MB21D2: variants seen among roughly 807,000 people sequenced by gnomAD.
MB21D2 encodes nucleotidyltransferase MB21D2.
A neutral mutation model predicts 33.3 loss-of-function variants in MB21D2; 9 were observed. The observed-to-expected ratio is 0.27, with a 90% CI of 0.16 to 0.47. MB21D2 has a LOEUF of 0.47. Among genes scored for constraint, MB21D2 ranks in the 20% least tolerant of loss-of-function variants. The pLI, the probability that MB21D2 is intolerant of heterozygous loss-of-function variation, is 0.99. For missense variants in MB21D2, 540 were observed against 624.6 expected (o/e 0.86, Z 1.44); for synonymous variants, 241 against 236.3 (o/e 1.02, Z -0.18).
chr3:192,851,109 A>G (rs1712793221), intron 1 of MB21D2, among the ~76,000 whole-genome samples: 1 of 152,242 alleles, frequency 6.6e-6, no homozygotes, highest in Non-Finnish European at 1.5e-5. Flanking sequence ...AACAATGAAC[A>G]TAGAACACAC....
chr3:192,821,421 G>A (rs1051616368), intron 1 of MB21D2, among the ~76,000 whole-genome samples: 2 of 152,114 alleles, frequency 1.3e-5, no homozygotes, highest in Admixed American at 6.5e-5. Context: ...TCACAACTTC[G>A]CTATTGCCCT....
chr3:192,835,309 A>C (rs1577177877), intron 1 of MB21D2, among the ~76,000 whole-genome samples: 1 of 151,544 alleles, frequency 6.6e-6, no homozygotes, highest in Non-Finnish European at 1.5e-5. Flanking sequence ...CAAAAAAATT[A>C]GCTGGGTGTG....
chr3:192,858,619 T>G (rs955548547), intron 1 of MB21D2, among the ~76,000 whole-genome samples: 4 of 152,208 alleles, frequency 2.6e-5, no homozygotes, highest in Non-Finnish European at 5.9e-5. Context: ...CTTATCATAC[T>G]TTCTAGGAAC....
intron 1 of MB21D2, among the ~76,000 whole-genome samples, chr3:192,800,251 C>CT (rs745833711): frequency 1.4e-3 from 218 of 151,332 alleles, no homozygotes; most frequent in Admixed American, 2.1e-3. Flanking sequence ...CACTGTTTGA[C>CT]TTTTTTTTTA....
intron 1 of MB21D2, among the ~76,000 whole-genome samples, chr3:192,823,218 A>G (rs1712097619): frequency 6.6e-6 from 1 of 152,234 alleles, no homozygotes; most frequent in Admixed American, 6.5e-5. Flanking sequence ...ACCTGCAAAG[A>G]AATTGTTTAG....
intron 1 of MB21D2, among the ~76,000 whole-genome samples, chr3:192,837,561 C>A (rs947109344): frequency 6.6e-6 from 1 of 152,204 alleles, no homozygotes; most frequent in African/African-American, 2.4e-5. Flanking sequence ...TGGAGGAATC[C>A]TGTAGCAAAC....
chr3:192,849,596 G>A (rs141867449), intron 1 of MB21D2, among the ~76,000 whole-genome samples: 6 of 152,260 alleles, frequency 3.9e-5, no homozygotes, highest in East Asian at 1.9e-4. Context: ...AATTACTGGC[G>A]TGAGACACCA....
chr3:192,841,099 G>A (rs1712563124), intron 1 of MB21D2, among the ~76,000 whole-genome samples: 2 of 152,176 alleles, frequency 1.3e-5, no homozygotes, highest in Non-Finnish European at 2.9e-5. Context: ...TAAAAAAGGA[G>A]GAGAGGGCAA....
intron 1 of MB21D2, among the ~76,000 whole-genome samples, chr3:192,852,400 A>G (rs1032740508): frequency 6.6e-6 from 1 of 152,184 alleles, no homozygotes; most frequent in African/African-American, 2.4e-5. Context: ...TTTTGCTTGA[A>G]CTGACAGTCA....
At chr3:192,820,297 A>G (rs900942694) in intron 1 of MB21D2, among the ~76,000 whole-genome samples, 3 of 152,214 alleles carry the variant, frequency 2.0e-5, no homozygotes, top group African/African-American at 7.2e-5. Flanking sequence ...CTATGACATT[A>G]TGAACGCTGA....
At position 192,804,129 on chromosome 3, in the gene MB21D2, C is replaced by T. The variant is rs115663568; in HGVS notation, c.212-4479G>A. On this transcript the variant is annotated intron_variant, in intron 1 of 1. Coordinates refer to ENST00000392452, the MANE Select transcript of MB21D2 (RefSeq NM_178496.4). Reference sequence around the variant, plus strand: ...TCCTAAGTTTAAGGAATGTGTTTCACGTCATGCTTTCAGTTATTTACTGAT... The same window carrying T: ...TCCTAAGTTTAAGGAATGTGTTTCATGTCATGCTTTCAGTTATTTACTGAT... 9.5e-3 allele frequency among the ~76,000 whole-genome samples: 1,450 copies of T among 152,156 alleles called. 31 individuals are homozygous for T. The highest frequency in any genetic ancestry group is 0.032 in the African/African-American group (1,318 of 41,496).
chr3:192,906,174 A>AG (rs753979387), intron 1 of MB21D2, among the ~76,000 whole-genome samples: 14 of 152,200 alleles, frequency 9.2e-5, no homozygotes, highest in Admixed American at 2.6e-4. Flanking sequence ...TTTCTGGCCT[A>AG]GGACTATCAG....
chr3:192,808,566 G>C (rs558448882), intron 1 of MB21D2, among the ~76,000 whole-genome samples: 10 of 152,166 alleles, frequency 6.6e-5, no homozygotes, highest in African/African-American at 2.4e-4. Context: ...GCTGCCTGTG[G>C]AGGCAGTACC....
intron 1 of MB21D2, among the ~76,000 whole-genome samples, chr3:192,917,050 C>T (rs940444984): frequency 6.6e-6 from 1 of 152,352 alleles, no homozygotes; most frequent in African/African-American, 2.4e-5. Flanking sequence ...CTCCGGACGC[C>T]TAGACTACTT....
intron 1 of MB21D2, among the ~76,000 whole-genome samples, chr3:192,851,491 G>GTTTTTTTTTTT (rs34763701): frequency 1.0e-5 from 1 of 97,624 alleles, no homozygotes; most frequent in African/African-American, 4.5e-5. Context: ...TTTTTTGTCT[G>GTTTTTTTTTTT]TTTTTTTTTT....
chr3:192,904,147 G>A (rs116132327), intron 1 of MB21D2, among the ~76,000 whole-genome samples: 2 of 152,148 alleles, frequency 1.3e-5, no homozygotes, highest in Admixed American at 6.6e-5. Context: ...CAATATTTTA[G>A]TGTGGTTATT....
intron 1 of MB21D2, among the ~76,000 whole-genome samples, chr3:192,886,228 G>A (rs763773607): frequency 6.6e-6 from 1 of 152,092 alleles, no homozygotes; most frequent in Non-Finnish European, 1.5e-5. Flanking sequence ...AAAGTGCTGG[G>A]ATTACAGGCG....
intron 1 of MB21D2, among the ~76,000 whole-genome samples, chr3:192,907,763 C>T (rs1265546693): frequency 6.6e-6 from 1 of 152,176 alleles, no homozygotes; most frequent in Admixed American, 6.5e-5. Flanking sequence ...GACTTGCGTT[C>T]CAGATTAACC....
chr3:192,892,919 T>C (rs770897790), intron 1 of MB21D2, among the ~76,000 whole-genome samples: 17 of 152,174 alleles, frequency 1.1e-4, no homozygotes, highest in Non-Finnish European at 2.1e-4. Flanking sequence ...ACCTTTGAAA[T>C]TGTATTACTT....
Sources: gnomAD v4.1 joint callset for allele counts (sites outside exome capture counted in the v4.1 genomes callset) on GRCh38, gnomAD v4.1.1 for gene constraint, MANE v1.5 for transcripts, NCBI Gene and HGNC (gene_info 2026-07-23, HGNC 2026-07-21) for gene names.